Variants in SPECC1L observed in about 807,000 individuals in gnomAD.
The protein encoded by SPECC1L is cytospin-A.
In SPECC1L, 40 loss-of-function variants were observed where a neutral mutation model predicts 116.8. The ratio of observed to expected loss-of-function variants is 0.34; its 90% CI spans 0.27 to 0.45. The LOEUF is 0.45. Among genes scored for constraint, SPECC1L ranks in the 20% least tolerant of loss-of-function variants. The pLI, the probability that SPECC1L is intolerant of heterozygous loss-of-function variation, is 1.00. For missense variants in SPECC1L, 1,110 were observed against 1,373.6 expected, an observed-to-expected ratio of 0.81 and a Z score of 3.03; for synonymous variants, 504 against 500.6, an observed-to-expected ratio of 1.01 and a Z score of -0.09.
At chr22:24,387,996 G>A (rs1025637330) in intron 14 of SPECC1L, among the ~76,000 whole-genome samples, 4 of 152,122 alleles carry the variant, frequency 2.6e-5, no homozygotes, top group Admixed American at 1.3e-4. Flanking sequence ...CTGACCATAG[G>A]TTATCTGCTT....
At chr22:24,372,568 TCAA>T (rs1873012885) in intron 14 of SPECC1L, among the ~76,000 whole-genome samples, 2 of 152,118 alleles carry the variant, frequency 1.3e-5, no homozygotes, top group Non-Finnish European at 2.9e-5. Context: ...TTGACAAAAT[TCAA>T]CAACACTTCA....
Position 24,415,866 on chromosome 22 carries a change from C to G in SPECC1L, c.*1243C>G, listed in dbSNP as rs1180171780. The G allele has an allele frequency of 2.0e-5, 3 of 152,262 alleles. No homozygotes were observed. The highest frequency in any genetic ancestry group is 6.5e-5 in the Admixed American group (1 of 15,284). 9.4% of individuals were successfully genotyped at this position (152,262 alleles called of 1,614,324 possible). On this transcript the variant is annotated 3_prime_UTR_variant, in exon 17 of 17. Coordinates refer to ENST00000314328, the MANE Select transcript of SPECC1L (RefSeq NM_015330.6). ...TAAAGGTGGTCACTGGAGATGCTCT[C>G]AGGCCAGAACTCAACAGCTATTTTT...
intron 11 of SPECC1L, 68 bp from the exon 12 acceptor site, chr22:24,363,193 T>C: frequency 7.2e-7 from 1 of 1,395,490 alleles, no homozygotes; most frequent in South Asian, 1.2e-5. Context: ...ACTCACCTTC[T>C]TTGTACCTTT....
Position 24,321,704 on chromosome 22 carries a change from A to G in SPECC1L, c.724A>G (p.Thr242Ala). 2.5e-6 allele frequency: 4 copies of G among 1,614,248 alleles called. No homozygotes were observed. Among genetic ancestry groups the G allele is most frequent in the Non-Finnish European group, 3.4e-6 (4 of 1,180,038 alleles). ...MAHQPTDVES[T>A]LLQLQEQNTA... ...TCACCAGCCGACTGATGTGGAGTCC[A>G]CTTTATTGCAGTTGCAGGAACAGAA... Residue 242 changes from threonine (T) to alanine (A), a missense_variant, in exon 5 of 17, where the codon ACT (threonine) becomes GCT (alanine). Thr to Ala is a moderately conservative substitution (Grantham distance 58). Coordinates refer to ENST00000314328, the MANE Select transcript of SPECC1L (RefSeq NM_015330.6).
In SPECC1L at chr22:24,414,554, G is replaced by T. The variant is rs201391683; in HGVS notation, c.3285G>T (p.Arg1095=). The change falls in exon 17 of 17, where the codon CGG becomes CGT. Residue 1095 remains arginine, a synonymous_variant. Coordinates refer to ENST00000314328, the MANE Select transcript of SPECC1L (RefSeq NM_015330.6). ...KSTLDINEMV[R]TERPDWQNVM... ...GTCAGGACATTAATGAAATGGTACGGACTGAACGACCCGACTGGCAGAACG... is the reference window on the plus strand; with the variant it reads ...GTCAGGACATTAATGAAATGGTACGTACTGAACGACCCGACTGGCAGAACG... The T allele has an allele frequency of 2.1e-5, 34 of 1,613,982 alleles. No individual in the cohort carries two copies. The highest frequency in any genetic ancestry group is 2.8e-5 in the Non-Finnish European group (33 of 1,179,958).
At chr22:24,386,968 G>A (rs1370627495) in intron 14 of SPECC1L, among the ~76,000 whole-genome samples, 1 of 152,160 alleles carries the variant, frequency 6.6e-6, no homozygotes, top group African/African-American at 2.4e-5. Context: ...TATGTCTGCA[G>A]CAGATTAGAC....
At chr22:24,360,543 A>G (rs1396613629) in intron 11 of SPECC1L, among the ~76,000 whole-genome samples, 1 of 152,128 alleles carries the variant, frequency 6.6e-6, no homozygotes, top group South Asian at 2.1e-4. Context: ...TATCAGCAAT[A>G]CATTTCATGA....
chr22:24,366,670 T>A (rs1356757539), intron 13 of SPECC1L, among the ~76,000 whole-genome samples: 2 of 152,276 alleles, frequency 1.3e-5, no homozygotes, highest in South Asian at 2.1e-4. Flanking sequence ...ATAAAAGGAA[T>A]GCAAGAATGG....
At chr22:24,388,148 C>G (rs183298661) in intron 14 of SPECC1L, among the ~76,000 whole-genome samples, 1 of 151,328 alleles carries the variant, frequency 6.6e-6, no homozygotes, top group Non-Finnish European at 1.5e-5. Context: ...TAGTTACATA[C>G]GTATACATGT....
chr22:24,325,372 A>G (rs1016066579), intron 6 of SPECC1L, among the ~76,000 whole-genome samples: 6 of 152,190 alleles, frequency 3.9e-5, no homozygotes, highest in African/African-American at 1.4e-4. Context: ...CTTAAGCACA[A>G]ATTCCTTTGT....
chr22:24,324,783 G>A lies in SPECC1L; in HGVS notation c.2146+356G>A, dbSNP rs775247168. ...GGAGGATCGCTTGAACCCAGGAGACGGAGGCTGCAGTGAGCTGAGATTGTG... is the reference window on the plus strand; with the variant it reads ...GGAGGATCGCTTGAACCCAGGAGACAGAGGCTGCAGTGAGCTGAGATTGTG... On this transcript the variant is annotated intron_variant, in intron 6 of 16. Coordinates refer to ENST00000314328, the MANE Select transcript of SPECC1L (RefSeq NM_015330.6). 9.2e-5 allele frequency among the ~76,000 whole-genome samples: 14 copies of A among 152,284 alleles called. No individual in the cohort carries two copies. In the East Asian group the frequency reaches 2.1e-3, roughly 23 times the overall value.
chr22:24,404,327 C>T (rs777968384), intron 14 of SPECC1L, among the ~76,000 whole-genome samples: 5 of 152,162 alleles, frequency 3.3e-5, no homozygotes, highest in Non-Finnish European at 7.3e-5. Context: ...CTCCGCACTG[C>T]TCTCCTGACT....
At chr22:24,330,838 C>G (rs975998533) in intron 8 of SPECC1L, among the ~76,000 whole-genome samples, 1 of 152,170 alleles carries the variant, frequency 6.6e-6, no homozygotes, top group Admixed American at 6.5e-5. Flanking sequence ...CTTGACTTCC[C>G]TGAGCCTCAG....
At chr22:24,305,767 AG>A (rs1481702036) in intron 3 of SPECC1L, among the ~76,000 whole-genome samples, 1 of 152,194 alleles carries the variant, frequency 6.6e-6, no homozygotes, top group African/African-American at 2.4e-5. Context: ...TCATTTCTCA[AG>A]GTGGTTACCA....
At chr22:24,351,710 G>A (rs993980851) in intron 11 of SPECC1L, among the ~76,000 whole-genome samples, 2 of 152,134 alleles carry the variant, frequency 1.3e-5, no homozygotes, top group African/African-American at 2.4e-5. Flanking sequence ...ATGATTCGTG[G>A]CCATAAAAAG....
At chr22:24,280,091 C>T (rs983841564) in intron 2 of SPECC1L, among the ~76,000 whole-genome samples, 1 of 152,188 alleles carries the variant, frequency 6.6e-6, no homozygotes, top group Non-Finnish European at 1.5e-5. Context: ...TTTCTCAGTG[C>T]TCTGTCTGCA....
chr22:24,275,972 C>T (rs1436392463), intron 1 of SPECC1L, among the ~76,000 whole-genome samples: 1 of 152,164 alleles, frequency 6.6e-6, no homozygotes, highest in African/African-American at 2.4e-5. Flanking sequence ...CTTGGCCACC[C>T]TAAGTGTTGG....
At chr22:24,306,455 A>G (rs2049499950) in intron 3 of SPECC1L, among the ~76,000 whole-genome samples, 1 of 151,980 alleles carries the variant, frequency 6.6e-6, no homozygotes, top group East Asian at 1.9e-4. Context: ...ATCCTAGCTC[A>G]CTGCAGCCTT....
chr22:24,324,359 TTGAAGA>T lies in SPECC1L; in HGVS notation c.2084_2089del (p.Asp695_Glu696del). ...GACATGAAAGAAACCATCTTTGAAC[TTGAAGA>T]TGAAGTAGAACAACATCGTGCTGTG... is the stretch of plus-strand genomic sequence containing the variant. On this transcript the variant is annotated inframe_deletion, in exon 6 of 17. Coordinates refer to ENST00000314328, the MANE Select transcript of SPECC1L (RefSeq NM_015330.6). The T allele has an allele frequency of 6.2e-7, 1 of 1,614,192 alleles. No homozygotes were observed. Among genetic ancestry groups the T allele is most frequent in the East Asian group, 2.2e-5 (1 of 44,872 alleles).
Sources: gnomAD v4.1 joint callset for allele counts (sites outside exome capture counted in the v4.1 genomes callset) on GRCh38, gnomAD v4.1.1 for gene constraint, MANE v1.5 for transcripts, NCBI Gene and HGNC (gene_info 2026-07-23, HGNC 2026-07-21) for gene names.